DNAJC1: variants seen among roughly 807,000 people sequenced by gnomAD.
DNAJC1 encodes the protein DnaJ heat shock protein family (Hsp40) member C1, also known as dnaJ homolog subfamily C member 1.
Under a neutral mutation model 76.6 loss-of-function variants are expected in DNAJC1, and 58 were observed. The observed-to-expected ratio is 0.76, with a 90% CI of 0.61 to 0.94. The LOEUF (loss-of-function observed/expected upper bound fraction) is 0.94, where lower values mean the gene tolerates loss of function less well. Ranked by LOEUF, DNAJC1 falls within the 40% of genes least tolerant of loss-of-function variation. The probability of loss-of-function intolerance (pLI) is 0.00; values close to 1 mark genes in which losing one functional copy is unlikely to be tolerated. For synonymous variants in DNAJC1, 258 were observed against 267.9 expected (o/e 0.96, Z 0.36); for missense variants, 689 against 677.3 (o/e 1.02, Z -0.19).
chr10:21,872,150 C>T (rs764377389), intron 8 of DNAJC1, among the ~76,000 whole-genome samples: 4 of 150,752 alleles, frequency 2.7e-5, no homozygotes, highest in Non-Finnish European at 4.4e-5. Flanking sequence ...CTTGGCTCAC[C>T]GTAACCTCAA....
intron 10 of DNAJC1, among the ~76,000 whole-genome samples, chr10:21,761,148 C>T (rs1413405187): frequency 6.6e-6 from 1 of 152,120 alleles, no homozygotes; most frequent in Non-Finnish European, 1.5e-5. Flanking sequence ...CCACTGCACT[C>T]CAGCCTGGGA....
intron 1 of DNAJC1, among the ~76,000 whole-genome samples, chr10:21,969,213 G>C (rs1191019449): frequency 1.1e-4 from 11 of 98,814 alleles, no homozygotes; most frequent in African/African-American, 4.8e-4. Flanking sequence ...AATAGAGCGA[G>C]ACTCCATTTC....
chr10:21,941,095 C>CAAAAAAA (rs1208799870), intron 1 of DNAJC1, among the ~76,000 whole-genome samples: 6 of 39,182 alleles, frequency 1.5e-4, no homozygotes, highest in African/African-American at 2.6e-4. Context: ...ACTAAAAATA[C>CAAAAAAA]AAAAAAAAAA....
rs191827242 is a variant in DNAJC1 at position 21,980,102 on chromosome 10, G to C, written c.222+23111C>G. On this transcript the variant is annotated intron_variant, in intron 1 of 11. Transcript: ENST00000376980. Reference sequence around the variant, plus strand: ...AACTTTACACTATTCTATATTATTAGCTACAAATATCTACTGACCACAGGG... The same window carrying C: ...AACTTTACACTATTCTATATTATTACCTACAAATATCTACTGACCACAGGG... Among the ~76,000 whole-genome samples the C allele has an allele frequency of 1.8e-3, 273 of 151,990 alleles. 1 individual carries two copies. Among genetic ancestry groups the C allele is most frequent in the African/African-American group, 6.4e-3 (266 of 41,486 alleles).
intron 9 of DNAJC1, among the ~76,000 whole-genome samples, chr10:21,786,166 G>A (rs999415412): frequency 3.4e-4 from 52 of 151,810 alleles, no homozygotes; most frequent in Non-Finnish European, 2.4e-4. Flanking sequence ...AGATGTTCAC[G>A]GACTATAGAG....
Position 21,984,929 on chromosome 10 carries a change from G to A in DNAJC1, c.222+18284C>T, listed in dbSNP as rs554170451. ...CATGTGTATGTATGAAGAGGCCAAA[G>A]AGTGAAAATGTTTAAATGCTCAGAT... On this transcript the variant is annotated intron_variant, in intron 1 of 11. Coordinates refer to ENST00000376980, the MANE Select transcript of DNAJC1 (RefSeq NM_022365.4). Among the ~76,000 whole-genome samples, 3 of 152,310 alleles carry A rather than the reference G, an allele frequency of 2.0e-5. No homozygotes were observed. In the South Asian group the frequency reaches 6.2e-4, roughly 32 times the overall value.
chr10:21,785,021 G>A (rs1023562672), intron 9 of DNAJC1, among the ~76,000 whole-genome samples: 4 of 152,172 alleles, frequency 2.6e-5, no homozygotes, highest in African/African-American at 7.2e-5. Context: ...TGCATGTTGT[G>A]CACATGTACC....
At chr10:21,878,460 C>T (rs1427842212) in intron 8 of DNAJC1, among the ~76,000 whole-genome samples, 2 of 152,144 alleles carry the variant, frequency 1.3e-5, no homozygotes, top group African/African-American at 4.8e-5. Context: ...GTTTATATTT[C>T]CCTCATCTGC....
At chr10:21,937,566 G>A (rs1837330447) in intron 1 of DNAJC1, among the ~76,000 whole-genome samples, 1 of 151,988 alleles carries the variant, frequency 6.6e-6, no homozygotes, top group Admixed American at 6.6e-5. Flanking sequence ...CAATCAGAAA[G>A]AACAGTAAGA....
intron 11 of DNAJC1, among the ~76,000 whole-genome samples, chr10:21,757,818 G>A (rs1433723764): frequency 6.6e-6 from 1 of 152,200 alleles, no homozygotes; most frequent in African/African-American, 2.4e-5. Context: ...GGCTTGAGGG[G>A]AACACCCGCA....
intron 8 of DNAJC1, among the ~76,000 whole-genome samples, chr10:21,830,600 C>G (rs926460708): frequency 2.6e-4 from 40 of 152,110 alleles, no homozygotes; most frequent in African/African-American, 9.2e-4. Context: ...ATACTATGTA[C>G]TACTCAAATA....
In DNAJC1 at chr10:21,834,403, A is replaced by G. The variant is rs887734211; in HGVS notation, c.979-28304T>C. On this transcript the variant is annotated intron_variant, in intron 8 of 11. Transcript: ENST00000376980. ...CAGCTACCAGCGTGAGCAACGCAGA[A>G]GATGGGTGATTTCTGCATTTTCAAC... Among the ~76,000 whole-genome samples the G allele has an allele frequency of 2.0e-5, 3 of 152,386 alleles. No homozygotes were observed. In the East Asian group the frequency reaches 5.8e-4, roughly 29 times the overall value.
intron 9 of DNAJC1, among the ~76,000 whole-genome samples, chr10:21,781,065 C>T (rs773916763): frequency 4.6e-5 from 7 of 152,160 alleles, no homozygotes; most frequent in Non-Finnish European, 1.0e-4. Flanking sequence ...TATATATGCA[C>T]CCTATTCAGG....
intron 8 of DNAJC1, among the ~76,000 whole-genome samples, chr10:21,845,404 G>C (rs190267067): frequency 5.3e-5 from 8 of 151,018 alleles, no homozygotes; most frequent in Non-Finnish European, 8.8e-5. Flanking sequence ...GCCCAGGCTG[G>C]AGCACAGTGG....
At chr10:21,883,472 T>C (rs1460737318) in intron 7 of DNAJC1, among the ~76,000 whole-genome samples, 2 of 152,136 alleles carry the variant, frequency 1.3e-5, no homozygotes, top group African/African-American at 4.8e-5. Context: ...ATAGACAAAT[T>C]CCTAGAAGAG....
chr10:21,912,363 C>T (rs902150166), intron 6 of DNAJC1, among the ~76,000 whole-genome samples: 4 of 152,182 alleles, frequency 2.6e-5, no homozygotes, highest in African/African-American at 4.8e-5. Flanking sequence ...CATTTTGTGG[C>T]TTTTTATCTT....
intron 8 of DNAJC1, among the ~76,000 whole-genome samples, chr10:21,845,848 CTTG>C (rs1454792541): frequency 6.6e-6 from 1 of 152,002 alleles, no homozygotes; most frequent in African/African-American, 2.4e-5. Context: ...TAAATATATT[CTTG>C]GTAATATGCC....
intron 1 of DNAJC1, among the ~76,000 whole-genome samples, chr10:21,956,542 T>C (rs1202360057): frequency 6.6e-6 from 1 of 151,082 alleles, no homozygotes. Context: ...TACATACACA[T>C]AAATACACAT....
chr10:21,982,268 G>A (rs911981194), intron 1 of DNAJC1, among the ~76,000 whole-genome samples: 3 of 152,000 alleles, frequency 2.0e-5, no homozygotes, highest in Admixed American at 6.6e-5. Flanking sequence ...ATAGATCAAG[G>A]ACTAACATAG....
Sources: gnomAD v4.1 joint callset for allele counts (sites outside exome capture counted in the v4.1 genomes callset) on GRCh38, gnomAD v4.1.1 for gene constraint, MANE v1.5 for transcripts, NCBI Gene and HGNC (gene_info 2026-07-23, HGNC 2026-07-21) for gene names.